SCFD2: variants seen among roughly 807,000 people sequenced by gnomAD.
SCFD2 encodes sec1 family domain containing 2, also known as sec1 family domain-containing protein 2.
SCFD2 carries 54 observed loss-of-function variants against 58.9 expected under a neutral mutation model. The observed-to-expected ratio is 0.92, with a 90% CI of 0.74 to 1.15. SCFD2 has a LOEUF of 1.15. Among genes scored for constraint, SCFD2 ranks in the 50% most tolerant of loss-of-function variants. The pLI is 0.00. For missense variants in SCFD2, 805 were observed against 836.6 expected, an observed-to-expected ratio of 0.96 and a Z score of 0.47; for synonymous variants, 321 against 335.9, an observed-to-expected ratio of 0.96 and a Z score of 0.49.
At chr4:53,299,504 C>T (rs1247940957) in intron 3 of SCFD2, among the ~76,000 whole-genome samples, 3 of 152,108 alleles carry the variant, frequency 2.0e-5, no homozygotes, top group African/African-American at 7.2e-5. Context: ...GAGAATGGAA[C>T]CAAGTTGGAA....
At position 53,202,333 on chromosome 4, in the gene SCFD2, T is replaced by C. The variant is rs562487047; in HGVS notation, c.1312-56751A>G. On this transcript the variant is annotated intron_variant, in intron 4 of 8. Coordinates refer to ENST00000401642, the MANE Select transcript of SCFD2 (RefSeq NM_152540.4). ...TCAGGTTTGTCAAAGATCAGATAGC[T>C]GTAGATACGTGGCATTATTTCTGAG... Among the ~76,000 whole-genome samples, 403 of 152,290 alleles carry C rather than the reference T, an allele frequency of 2.6e-3. 1 individual carries two copies. Among genetic ancestry groups the C allele is most frequent in the African/African-American group, 9.3e-3 (385 of 41,560 alleles).
Position 53,218,952 on chromosome 4 carries a change from G to A in SCFD2, c.1311+54874C>T, listed in dbSNP as rs541471356. ...TCAGCAGCGGAGGCTGCAGAACAGC[G>A]AATATTGCTGAACAGCAAATGTTGT... is the stretch of plus-strand genomic sequence containing the variant. On this transcript the variant is annotated intron_variant, in intron 4 of 8. Transcript: ENST00000401642. Among the ~76,000 whole-genome samples the A allele has an allele frequency of 7.9e-5, 12 of 152,304 alleles. No homozygotes were observed. In the East Asian group the frequency reaches 9.7e-4, roughly 12 times the overall value.
intron 4 of SCFD2, among the ~76,000 whole-genome samples, chr4:53,147,978 G>A (rs1460475855): frequency 2.6e-5 from 4 of 152,124 alleles, no homozygotes; most frequent in Admixed American, 6.5e-5. Context: ...GAGTCCTGTG[G>A]TTGGCCTGTT....
chr4:53,162,308 A>C (rs1392635668), intron 4 of SCFD2, among the ~76,000 whole-genome samples: 3 of 152,136 alleles, frequency 2.0e-5, no homozygotes, highest in Admixed American at 6.5e-5. Context: ...AATTTTAGCT[A>C]TCTGAATGGA....
At position 53,220,613 on chromosome 4, in the gene SCFD2, TAG is replaced by T. The variant is rs755696017; in HGVS notation, c.1311+53211_1311+53212del. Among the ~76,000 whole-genome samples the T allele has an allele frequency of 1.7e-3, 252 of 152,322 alleles. 5 individuals carry two copies. Among genetic ancestry groups the T allele is most frequent in the East Asian group, 1.5e-3 (8 of 5,188 alleles). Reference sequence around the variant, plus strand: ...GACCATACAAATGTACACATACACATAGACACACAGCACACAAGAGTTTTATA... The same window carrying T: ...GACCATACAAATGTACACATACACATACACACAGCACACAAGAGTTTTATA... On this transcript the variant is annotated intron_variant, in intron 4 of 8. Coordinates refer to ENST00000401642, the MANE Select transcript of SCFD2 (RefSeq NM_152540.4).
intron 4 of SCFD2, among the ~76,000 whole-genome samples, chr4:53,170,271 C>T (rs1400924673): frequency 6.6e-6 from 1 of 152,136 alleles, no homozygotes. Context: ...TTTCCCAGCA[C>T]CTTTAATTGA....
At chr4:53,094,088 A>C (rs1724549589) in intron 5 of SCFD2, among the ~76,000 whole-genome samples, 1 of 152,174 alleles carries the variant, frequency 6.6e-6, no homozygotes, top group South Asian at 2.1e-4. Context: ...GTAGGGGTAT[A>C]ACATTAGAAA....
chr4:53,239,458 G>A (rs1006319230), intron 4 of SCFD2, among the ~76,000 whole-genome samples: 9 of 148,654 alleles, frequency 6.1e-5, no homozygotes, highest in African/African-American at 2.2e-4. Context: ...GAGGGAGAGG[G>A]AGAGAGCGTC....
intron 4 of SCFD2, among the ~76,000 whole-genome samples, chr4:53,199,563 C>T (rs1369038938): frequency 2.6e-5 from 4 of 152,042 alleles, no homozygotes; most frequent in Admixed American, 2.6e-4. Context: ...GGTAGGATCC[C>T]TAGATAGCCT....
intron 4 of SCFD2, among the ~76,000 whole-genome samples, chr4:53,175,712 A>T (rs1481996140): frequency 6.6e-6 from 1 of 152,228 alleles, no homozygotes; most frequent in Non-Finnish European, 1.5e-5. Flanking sequence ...ATAAGCCATG[A>T]CACTTTCAAA....
At chr4:53,138,977 T>A (rs1448263144) in intron 5 of SCFD2, among the ~76,000 whole-genome samples, 2 of 151,696 alleles carry the variant, frequency 1.3e-5, no homozygotes, top group Non-Finnish European at 2.9e-5. Context: ...CCTGCCTGAT[T>A]CTCCTGCCTC....
intron 4 of SCFD2, among the ~76,000 whole-genome samples, chr4:53,260,689 G>A (rs1730804041): frequency 6.6e-6 from 1 of 151,834 alleles, no homozygotes; most frequent in South Asian, 2.1e-4. Flanking sequence ...CTGTAGTTTT[G>A]TTTTTTGGTT....
intron 5 of SCFD2, among the ~76,000 whole-genome samples, chr4:52,974,444 C>G (rs1721196621): frequency 1.3e-5 from 2 of 152,114 alleles, no homozygotes; most frequent in Non-Finnish European, 2.9e-5. Context: ...AATAAAATAC[C>G]TAGAATCCAA....
chr4:53,148,880 TG>T (rs1726420040), intron 4 of SCFD2, among the ~76,000 whole-genome samples: 1 of 152,154 alleles, frequency 6.6e-6, no homozygotes, highest in Non-Finnish European at 1.5e-5. Flanking sequence ...CATGGTGGCA[TG>T]TGCCTGTAGC....
At chr4:53,250,411 G>A (rs1201816107) in intron 4 of SCFD2, among the ~76,000 whole-genome samples, 1 of 152,114 alleles carries the variant, frequency 6.6e-6, no homozygotes, top group African/African-American at 2.4e-5. Flanking sequence ...AAGTTAACAA[G>A]GATACCCAGG....
chr4:53,180,691 C>G (rs1577811220), intron 4 of SCFD2, among the ~76,000 whole-genome samples: 1 of 152,130 alleles, frequency 6.6e-6, no homozygotes, highest in Non-Finnish European at 1.5e-5. Context: ...AAAAACCCTT[C>G]AAAAAACTAA....
intron 5 of SCFD2, among the ~76,000 whole-genome samples, chr4:52,959,180 G>C (rs1720783690): frequency 6.6e-6 from 1 of 152,154 alleles, no homozygotes; most frequent in African/African-American, 2.4e-5. Flanking sequence ...GCTCTGGACA[G>C]GGTGTCAAGA....
chr4:52,981,823 A>T (rs1301958840), intron 5 of SCFD2, among the ~76,000 whole-genome samples: 1 of 152,172 alleles, frequency 6.6e-6, no homozygotes. Flanking sequence ...GATGTCACAC[A>T]GGGAAATGCT....
chr4:53,210,734 G>T (rs1728583371), intron 4 of SCFD2, among the ~76,000 whole-genome samples: 1 of 151,696 alleles, frequency 6.6e-6, no homozygotes, highest in Non-Finnish European at 1.5e-5. Context: ...ATTGTTCCTG[G>T]CTCGTAACTC....
Sources: allele counts gnomAD v4.1 joint callset (sites outside exome capture counted in the v4.1 genomes callset), GRCh38; gene constraint gnomAD v4.1.1; transcripts MANE v1.5; gene names NCBI Gene and HGNC (gene_info 2026-07-23, HGNC 2026-07-21).